The following CDKAL1 variants were observed in gnomAD, a reference collection of about 807,000 sequenced individuals.
CDKAL1 encodes the protein CDKAL1 threonylcarbamoyladenosine tRNA methylthiotransferase, also known as threonylcarbamoyladenosine tRNA methylthiotransferase.
In CDKAL1, 32 loss-of-function variants were observed where a neutral mutation model predicts 68.2. The ratio of observed to expected loss-of-function variants is 0.47; its 90% CI spans 0.35 to 0.63. The LOEUF (loss-of-function observed/expected upper bound fraction) is 0.63, where lower values mean the gene tolerates loss of function less well. Among genes scored for constraint, CDKAL1 ranks in the 30% least tolerant of loss-of-function variants. CDKAL1 has a pLI of 0.00. For synonymous variants in CDKAL1, 234 were observed against 244.3 expected, an observed-to-expected ratio of 0.96 and a Z score of 0.39; for missense variants, 606 against 696.7, an observed-to-expected ratio of 0.87 and a Z score of 1.47.
chr6:20,996,169 A>T (rs184948019), intron 10 of CDKAL1, among the ~76,000 whole-genome samples: 154 of 152,344 alleles, frequency 1.0e-3, no homozygotes, highest in African/African-American at 3.6e-3. Flanking sequence ...GCTTAAGGGA[A>T]TGTTGTGGCT....
At chr6:20,583,727 G>A (rs1002210649) in intron 4 of CDKAL1, among the ~76,000 whole-genome samples, 9 of 151,508 alleles carry the variant, frequency 5.9e-5, no homozygotes, top group African/African-American at 2.2e-4. Context: ...TGTTACAATA[G>A]ATATAATAGA....
intron 5 of CDKAL1, among the ~76,000 whole-genome samples, chr6:20,720,020 AC>A (rs1772269589): frequency 6.6e-6 from 1 of 152,034 alleles, no homozygotes; most frequent in Non-Finnish European, 1.5e-5. Flanking sequence ...GGGCCTTTTG[AC>A]CTGTAGCCTT....
intron 10 of CDKAL1, among the ~76,000 whole-genome samples, chr6:20,962,960 G>T (rs961807508): frequency 6.6e-6 from 1 of 152,142 alleles, no homozygotes; most frequent in African/African-American, 2.4e-5. Flanking sequence ...ATTTTAAGAG[G>T]TCAGTGAAAC....
At chr6:20,693,540 CAGAT>C (rs922727317) in intron 5 of CDKAL1, among the ~76,000 whole-genome samples, 4 of 152,142 alleles carry the variant, frequency 2.6e-5, no homozygotes, top group African/African-American at 7.2e-5. Flanking sequence ...ATTCTATTTC[CAGAT>C]AGATATGTTT....
intron 5 of CDKAL1, among the ~76,000 whole-genome samples, chr6:20,674,698 C>T (rs1261742336): frequency 2.0e-5 from 3 of 152,188 alleles, no homozygotes; most frequent in Non-Finnish European, 4.4e-5. Context: ...CTGTCTAACT[C>T]TGCAGCCTCT....
intron 11 of CDKAL1, among the ~76,000 whole-genome samples, chr6:21,058,074 T>A (rs1428019904): frequency 6.6e-6 from 1 of 152,216 alleles, no homozygotes; most frequent in Non-Finnish European, 1.5e-5. Flanking sequence ...CTTTCTTAAT[T>A]TTCTGTCTCA....
intron 4 of CDKAL1, among the ~76,000 whole-genome samples, chr6:20,576,302 T>G (rs1764904481): frequency 6.6e-6 from 1 of 152,236 alleles, no homozygotes; most frequent in African/African-American, 2.4e-5. Flanking sequence ...TAGGATATTT[T>G]CAGCATGATA....
intron 13 of CDKAL1, among the ~76,000 whole-genome samples, chr6:21,121,030 C>G (rs1433007607): frequency 6.6e-6 from 1 of 152,024 alleles, no homozygotes; most frequent in Non-Finnish European, 1.5e-5. Context: ...AGATATTGGC[C>G]GAGACCCACT....
At chr6:20,652,879 AC>A (rs1469089530) in intron 5 of CDKAL1, among the ~76,000 whole-genome samples, 2 of 152,236 alleles carry the variant, frequency 1.3e-5, no homozygotes, top group African/African-American at 4.8e-5. Flanking sequence ...CCAAGAAGTA[AC>A]CTTTATCTTG....
chr6:20,962,960 G>A (rs961807508), intron 10 of CDKAL1, among the ~76,000 whole-genome samples: 1 of 152,142 alleles, frequency 6.6e-6, no homozygotes, highest in Admixed American at 6.5e-5. Flanking sequence ...ATTTTAAGAG[G>A]TCAGTGAAAC....
intron 11 of CDKAL1, among the ~76,000 whole-genome samples, chr6:21,046,970 C>A (rs1314530694): frequency 7.9e-5 from 12 of 152,134 alleles, no homozygotes; most frequent in African/African-American, 4.8e-5. Flanking sequence ...CCCCTTTCCC[C>A]AAAATTTTAA....
chr6:21,003,371 T>TATACATACACACACACACACACACACAC, intron 11 of CDKAL1, among the ~76,000 whole-genome samples: 1 of 49,312 alleles, frequency 2.0e-5, no homozygotes, highest in Non-Finnish European at 3.4e-5. Context: ...TATATATATA[T>TATACATACACACACACACACACACACAC]ACACACACAC....
chr6:20,709,976 C>G (rs940588862), intron 5 of CDKAL1, among the ~76,000 whole-genome samples: 3 of 152,126 alleles, frequency 2.0e-5, no homozygotes, highest in Non-Finnish European at 4.4e-5. Flanking sequence ...TTGGAGTAAT[C>G]ATCGAGAGTG....
chr6:20,720,879 G>A (rs1412993940), intron 5 of CDKAL1, among the ~76,000 whole-genome samples: 1 of 152,152 alleles, frequency 6.6e-6, no homozygotes, highest in African/African-American at 2.4e-5. Flanking sequence ...TTTTGTGCCT[G>A]CCTTATTTCA....
intron 5 of CDKAL1, among the ~76,000 whole-genome samples, chr6:20,738,493 T>G (rs1417248317): frequency 2.7e-5 from 4 of 149,284 alleles, no homozygotes; most frequent in Admixed American, 2.0e-4. Flanking sequence ...TAGTTTTTTT[T>G]TTTTTTTTTT....
intron 5 of CDKAL1, among the ~76,000 whole-genome samples, chr6:20,716,573 T>G (rs1772105441): frequency 6.6e-6 from 1 of 151,748 alleles, no homozygotes; most frequent in Non-Finnish European, 1.5e-5. Context: ...CTTGTTTCAT[T>G]TTGTTTTGGT....
intron 9 of CDKAL1, among the ~76,000 whole-genome samples, chr6:20,871,140 C>T (rs1760190212): frequency 6.6e-6 from 1 of 152,136 alleles, no homozygotes; most frequent in African/African-American, 2.4e-5. Flanking sequence ...GATCCCTTCT[C>T]ATGATGATAT....
At chr6:20,850,939 A>G (rs370706851) in intron 9 of CDKAL1, among the ~76,000 whole-genome samples, 31 of 152,310 alleles carry the variant, frequency 2.0e-4, no homozygotes, top group African/African-American at 6.5e-4. Context: ...TTGAATGGAC[A>G]GCATTAAAGT....
intron 12 of CDKAL1, among the ~76,000 whole-genome samples, chr6:21,093,707 T>TGC: frequency 7.7e-5 from 1 of 12,996 alleles, no homozygotes; most frequent in Middle Eastern, 0.029. Context: ...TTTTTTTTTT[T>TGC]TTTTTTTTTT....
Sources: gnomAD v4.1 joint callset for allele counts (sites outside exome capture counted in the v4.1 genomes callset) on GRCh38, gnomAD v4.1.1 for gene constraint, MANE v1.5 for transcripts, NCBI Gene and HGNC (gene_info 2026-07-23, HGNC 2026-07-21) for gene names.